The following SNTG2 variants were observed in gnomAD, a reference collection of about 807,000 sequenced individuals.
The protein encoded by SNTG2 is syntrophin gamma 2.
A neutral mutation model predicts 70.9 loss-of-function variants in SNTG2; 74 were observed. The ratio of observed to expected loss-of-function variants is 1.04; its 90% CI spans 0.86 to 1.27. The LOEUF (loss-of-function observed/expected upper bound fraction) is 1.27, where lower values mean the gene tolerates loss of function less well. SNTG2 is among the 50% of genes most tolerant of loss of function. The pLI, the probability that SNTG2 is intolerant of heterozygous loss-of-function variation, is 0.00. For synonymous variants in SNTG2, 278 were observed against 273.8 expected (o/e 1.02, Z -0.15); for missense variants, 717 against 690.7 (o/e 1.04, Z -0.43).
chr2:1,339,492 C>A (rs1389030327), intron 16 of SNTG2, among the ~76,000 whole-genome samples: 1 of 152,190 alleles, frequency 6.6e-6, no homozygotes, highest in East Asian at 1.9e-4. Flanking sequence ...CTGGAGCCAC[C>A]TTGAATTCTC....
At chr2:1,037,191 G>A (rs148729321) in intron 1 of SNTG2, among the ~76,000 whole-genome samples, 52 of 152,278 alleles carry the variant, frequency 3.4e-4, no homozygotes, top group African/African-American at 1.2e-3. Flanking sequence ...TCTGTGGTGC[G>A]GAGCCCACAA....
chr2:1,181,831 C>T (rs982350521), intron 8 of SNTG2, among the ~76,000 whole-genome samples: 2 of 152,108 alleles, frequency 1.3e-5, no homozygotes, highest in Non-Finnish European at 2.9e-5. Flanking sequence ...GTATGGTTCA[C>T]GTAGTTTAAG....
intron 1 of SNTG2, among the ~76,000 whole-genome samples, chr2:995,630 A>G (rs967646341): frequency 6.6e-6 from 1 of 152,124 alleles, no homozygotes. Flanking sequence ...ATTTGTATTC[A>G]TTATTATTTA....
intron 2 of SNTG2, among the ~76,000 whole-genome samples, chr2:1,088,801 C>A (rs1664838404): frequency 6.6e-6 from 1 of 152,218 alleles, no homozygotes; most frequent in African/African-American, 2.4e-5. Context: ...AAATCACTAA[C>A]TACACTTCTG....
chr2:964,097 AC>A (rs1250805350), intron 1 of SNTG2, among the ~76,000 whole-genome samples: 8 of 152,108 alleles, frequency 5.3e-5, no homozygotes, highest in African/African-American at 1.7e-4. Flanking sequence ...GTGATATTGA[AC>A]ACCAGTGTTG....
intron 6 of SNTG2, among the ~76,000 whole-genome samples, chr2:1,149,549 C>A (rs1669326931): frequency 6.6e-6 from 1 of 152,094 alleles, no homozygotes; most frequent in South Asian, 2.1e-4. Flanking sequence ...TCCTAATGTG[C>A]TTTTCCCTGC....
intron 1 of SNTG2, among the ~76,000 whole-genome samples, chr2:988,206 G>A (rs76085907): frequency 0.25 from 37,774 of 152,168 alleles, 4,886 homozygotes; most frequent in Middle Eastern, 0.31. Flanking sequence ...GGACCGAGGC[G>A]TGGACACTCA....
At chr2:1,161,832 TG>T (rs1258246258) in intron 6 of SNTG2, among the ~76,000 whole-genome samples, 3 of 152,088 alleles carry the variant, frequency 2.0e-5, no homozygotes, top group Non-Finnish European at 2.9e-5. Flanking sequence ...CCCAGCAGTT[TG>T]GGAGGCCGAG....
intron 9 of SNTG2, among the ~76,000 whole-genome samples, chr2:1,221,468 T>TCTGTCTCTCTCTGTCTCTGC (rs1674834484): frequency 4.1e-4 from 23 of 56,058 alleles, no homozygotes; most frequent in Non-Finnish European, 6.3e-4. Context: ...TGTCTCTGTC[T>TCTGTCTCTCTCTGTCTCTGC]CTCTGTCTCT....
chr2:1,237,911 C>T lies in SNTG2; in HGVS notation c.743C>T (p.Ala248Val), dbSNP rs781121468. The T allele has an allele frequency of 3.1e-6, 5 of 1,605,474 alleles. No individual in the cohort carries two copies. Among genetic ancestry groups the T allele is most frequent in the Non-Finnish European group, 8.5e-7 (1 of 1,176,442 alleles). ...KLRWNAFEVLALDGVSSGILR... is the reference protein window; with the variant it reads ...KLRWNAFEVLVLDGVSSGILR... ...AGGTGGAATGCGTTCGAGGTGCTCG[C>T]CCTGGACGGAGTCAGCTCTGGGATC... The change falls in exon 10 of 17, where the codon GCC (alanine) becomes GTC (valine). Residue 248 changes from alanine to valine, a missense_variant. Physicochemically the swap from Ala to Val is moderately conservative, Grantham distance 64. Transcript: ENST00000308624.
intron 14 of SNTG2, among the ~76,000 whole-genome samples, chr2:1,301,940 T>C (rs1680470235): frequency 6.6e-6 from 1 of 151,958 alleles, no homozygotes; most frequent in East Asian, 1.9e-4. Flanking sequence ...CCACAGACAT[T>C]TCTTGTCCTA....
intron 2 of SNTG2, among the ~76,000 whole-genome samples, chr2:1,084,615 T>G (rs533834960): frequency 2.1e-4 from 32 of 152,342 alleles, no homozygotes; most frequent in Non-Finnish European, 2.9e-5. Context: ...GCTCCAGGAC[T>G]GCATCTGTCT....
intron 1 of SNTG2, among the ~76,000 whole-genome samples, chr2:970,293 G>A (rs558098101): frequency 2.4e-4 from 37 of 152,080 alleles, no homozygotes; most frequent in African/African-American, 8.7e-4. Flanking sequence ...AATTATTTAA[G>A]TTGTAGGGTA....
chr2:1,262,186 GAAAC>G (rs1558610073), intron 13 of SNTG2, among the ~76,000 whole-genome samples: 1 of 152,168 alleles, frequency 6.6e-6, no homozygotes, highest in African/African-American at 2.4e-5. Context: ...CAACTCCACT[GAAAC>G]AAAGGATGAG....
Position 1,189,421 on chromosome 2 carries a change from GTAT to G in SNTG2, c.591+16243_591+16245del, listed in dbSNP as rs971353640. ...AGAGCAAAGTCCCAGCATAGTCAAG[GTAT>G]TATTGAAGCAGGAGTTGGGGGTCTT... On this transcript the variant is annotated intron_variant, in intron 8 of 16. Transcript: ENST00000308624. Among the ~76,000 whole-genome samples, 3 of 152,260 alleles carry G rather than the reference GTAT, an allele frequency of 2.0e-5. No individual in the cohort carries two copies. The East Asian group carries it at 5.8e-4, about 29-fold the overall frequency.
At chr2:1,126,723 T>A (rs2148301665) in intron 4 of SNTG2, among the ~76,000 whole-genome samples, 1 of 152,248 alleles carries the variant, frequency 6.6e-6, no homozygotes, top group Non-Finnish European at 1.5e-5. Context: ...GCCCTGATGA[T>A]TAGTGATTTT....
At chr2:1,008,744 T>C (rs11127542) in intron 1 of SNTG2, among the ~76,000 whole-genome samples, 11,676 of 152,246 alleles carry the variant, frequency 0.077, 639 homozygotes, top group South Asian at 0.21. Context: ...TGGAGTAGAT[T>C]TGGATAGTAA....
At chr2:1,290,820 G>A (rs958579320) in intron 14 of SNTG2, among the ~76,000 whole-genome samples, 4 of 150,658 alleles carry the variant, frequency 2.7e-5, no homozygotes, top group African/African-American at 9.7e-5. Context: ...AAATCATCTT[G>A]TAATGTCTCT....
At chr2:1,255,205 G>A (rs937873828) in intron 12 of SNTG2, among the ~76,000 whole-genome samples, 1 of 152,172 alleles carries the variant, frequency 6.6e-6, no homozygotes, top group Non-Finnish European at 1.5e-5. Context: ...CCAATGAGCG[G>A]TGATTGAACA....
Sources: gnomAD v4.1 joint callset for allele counts (sites outside exome capture counted in the v4.1 genomes callset) on GRCh38, gnomAD v4.1.1 for gene constraint, MANE v1.5 for transcripts, NCBI Gene and HGNC (gene_info 2026-07-23, HGNC 2026-07-21) for gene names.